The following EFCAB3 variants were observed in gnomAD, a reference collection of about 807,000 sequenced individuals.
EFCAB3 encodes the protein EF-hand calcium binding domain 3.
A neutral mutation model predicts 42.2 loss-of-function variants in EFCAB3; 36 were observed. The ratio of observed to expected loss-of-function variants is 0.85; its 90% CI spans 0.65 to 1.13. The LOEUF (loss-of-function observed/expected upper bound fraction) is 1.13. Among genes scored for constraint, EFCAB3 ranks in the 50% most tolerant of loss-of-function variants. The pLI is 0.00. For synonymous variants in EFCAB3, 170 were observed against 172.8 expected (o/e 0.98, Z 0.13); for missense variants, 418 against 505.1 (o/e 0.83, Z 1.65).
At chr17:62,412,458 C>A (rs184965910) in intron 8 of EFCAB3, among the ~76,000 whole-genome samples, 9 of 151,500 alleles carry the variant, frequency 5.9e-5, no homozygotes, top group African/African-American at 1.9e-4. Context: ...AAATTTTCCC[C>A]AAGGGTTTTT....
Position 62,413,910 on chromosome 17 carries a change from C to G in EFCAB3, c.990+56C>G. 1.3e-6 allele frequency: 2 copies of G among 1,553,094 alleles called. 1 individual carries two copies. Among genetic ancestry groups the G allele is most frequent in the Middle Eastern group, 3.6e-4 (2 of 5,496 alleles). On this transcript the variant is annotated intron_variant, in intron 9 of 9. Transcript: ENST00000305286. The stretch of plus-strand genomic sequence containing the variant: ...AAATCACTGACAAAAATATTGTCCA[C>G]TTCAATACTACACCATAAAACCAAG...
intron 9 of EFCAB3, among the ~76,000 whole-genome samples, chr17:62,414,245 G>T (rs150070847): frequency 0.02 from 3,050 of 152,258 alleles, 127 homozygotes; most frequent in African/African-American, 0.069. Flanking sequence ...CTGCACCAGG[G>T]CTAAGAAGCT....
intron 8 of EFCAB3, among the ~76,000 whole-genome samples, chr17:62,410,276 C>A (rs2070483682): frequency 6.6e-6 from 1 of 152,102 alleles, no homozygotes; most frequent in Non-Finnish European, 1.5e-5. Context: ...AATCCCAGCA[C>A]TTTGGGAGGC....
chr17:62,407,630 G>T (rs1476925863), intron 8 of EFCAB3, among the ~76,000 whole-genome samples: 2 of 152,072 alleles, frequency 1.3e-5, no homozygotes, highest in African/African-American at 2.4e-5. Context: ...TCCTGCCCTC[G>T]ACTAGATCCC....
Position 62,393,598 on chromosome 17 carries a change from C to G in EFCAB3, c.321C>G (p.Asp107Glu), listed in dbSNP as rs1416526823. 2 of 1,613,938 alleles carry G rather than the reference C, an allele frequency of 1.2e-6. No individual in the cohort carries two copies. Among genetic ancestry groups the G allele is most frequent in the African/African-American group, 2.7e-5 (2 of 74,890 alleles). Residue 107 changes from aspartate to glutamate, a missense_variant, in exon 5 of 10, where the codon GAC (aspartate) becomes GAG (glutamate). Asp to Glu is a conservative substitution (Grantham distance 45). Coordinates refer to ENST00000305286, the MANE Select transcript of EFCAB3 (RefSeq NM_173503.4). ...GAGATGGGAAGGTGAACTTCTCAGA[C>G]TTTATCAAGGTTCTAACAGATAAGA... ...IDRDGKVNFS[D>E]FIKVLTDKNL...
At chr17:62,398,132 C>A in intron 6 of EFCAB3, 1 of 277,754 alleles carries the variant, frequency 3.6e-6, no homozygotes, top group South Asian at 5.3e-5. Flanking sequence ...AAGGAAAGAC[C>A]AAGATCATAA....
intron 6 of EFCAB3, among the ~76,000 whole-genome samples, chr17:62,395,596 C>T (rs568736842): frequency 2.9e-4 from 44 of 152,242 alleles, no homozygotes; most frequent in African/African-American, 9.9e-4. Flanking sequence ...ATCTCTGACT[C>T]AGAGATGAGG....
At chr17:62,406,768 A>T (rs1258005303) in intron 7 of EFCAB3, 95 bp downstream of exon 7, 2 of 1,337,758 alleles carry the variant, frequency 1.5e-6, no homozygotes, top group East Asian at 2.4e-5. Context: ...GCATAAGAAC[A>T]GGACTGCAGC....
Position 62,391,886 on chromosome 17 carries a change from G to C in EFCAB3, c.216G>C (p.Leu72=). 3.1e-6 allele frequency: 5 copies of C among 1,613,914 alleles called. No individual in the cohort carries two copies. Among genetic ancestry groups the C allele is most frequent in the Non-Finnish European group, 4.2e-6 (5 of 1,179,906 alleles). Residue 72 remains leucine (L), a synonymous_variant, in exon 4 of 10, where the codon CTG becomes CTC. Coordinates refer to ENST00000305286, the MANE Select transcript of EFCAB3 (RefSeq NM_173503.4). ...DKTGCIDFHG[L]MCTVAKLGMN... ...CTGGCTGTATTGATTTCCATGGACT[G>C]ATGTGCACTGTAGCTAAGCTGGGAA...
rs574001138 is a variant in EFCAB3 at position 62,404,806 on chromosome 17, T to A, written c.489-1674T>A. On this transcript the variant is annotated intron_variant, in intron 6 of 9. Coordinates refer to ENST00000305286, the MANE Select transcript of EFCAB3 (RefSeq NM_173503.4). ...AACAAAATTCCATCTCAAAAAATAATAATAATAATAATAATAAAGACAGCA... is the reference window on the plus strand; with the variant it reads ...AACAAAATTCCATCTCAAAAAATAAAAATAATAATAATAATAAAGACAGCA... Among the ~76,000 whole-genome samples, 181 of 151,948 alleles carry A rather than the reference T, an allele frequency of 1.2e-3. No homozygotes were observed. In the South Asian group the frequency reaches 0.016, roughly 13 times the overall value.
Position 62,416,258 on chromosome 17 carries a change from G to T in EFCAB3, c.1246G>T (p.Asp416Tyr), listed in dbSNP as rs1366220186. Residue 416 changes from aspartate (D) to tyrosine (Y), a missense_variant, in exon 10 of 10, where the codon GAT becomes TAT. By Grantham distance (160) the Asp-to-Tyr change is radical (BLOSUM62 -3). Transcript: ENST00000305286. ...SHNSRSSSSS[D>Y]TSECYTDSGR... ...TAACTCCAGATCCTCTTCCTCATCA[G>T]ATACCAGTGAATGTTACACAGACTC... 1.2e-6 allele frequency: 2 copies of T among 1,613,886 alleles called. No homozygotes were observed. The highest frequency in any genetic ancestry group is 2.2e-5 in the South Asian group (2 of 91,076).
intron 7 of EFCAB3, 84 bp downstream of exon 7, chr17:62,406,757 G>A: frequency 6.9e-7 from 1 of 1,458,010 alleles, no homozygotes; most frequent in Non-Finnish European, 9.4e-7. Context: ...GAGCCCAAAT[G>A]GCATAAGAAC....
intron 8 of EFCAB3, 118 bp downstream of exon 8, chr17:62,407,330 G>T: frequency 1.1e-6 from 1 of 885,028 alleles, no homozygotes; most frequent in Non-Finnish European, 1.6e-6. Flanking sequence ...CAAAGCAGAT[G>T]CCATAACCAT....
exon 1 of EFCAB3, chr17:62,370,290 T>G: frequency 1.9e-6 from 3 of 1,551,644 alleles, no homozygotes; most frequent in African/African-American, 1.4e-5. Context: ...GAAGAAGAAA[T>G]GAAGGAGTTG....
intron 5 of EFCAB3, among the ~76,000 whole-genome samples, chr17:62,394,765 G>C (rs754767960): frequency 1.4e-4 from 22 of 152,146 alleles, no homozygotes; most frequent in African/African-American, 5.3e-4. Context: ...AGTAATGGGA[G>C]TTTGCCTAGA....
intron 1 of EFCAB3, chr17:62,381,827 T>C (rs879150715): frequency 1.4e-5 from 6 of 433,976 alleles, no homozygotes; most frequent in Admixed American, 2.5e-5. Flanking sequence ...GCATTGAAGA[T>C]GTCATTGCCC....
chr17:62,378,856 T>C (rs557333437), upstream of EFCAB3, among the ~76,000 whole-genome samples: 1 of 151,974 alleles, frequency 6.6e-6, no homozygotes, highest in East Asian at 1.9e-4. Flanking sequence ...CAAACCCGCA[T>C]GGCACGTGTA....
At chr17:62,391,712 CT>C (rs1567723474) in intron 3 of EFCAB3, 109 bp from the exon 4 acceptor site, 27 of 1,203,074 alleles carry the variant, frequency 2.2e-5, no homozygotes, top group South Asian at 6.9e-5. Flanking sequence ...TTTCGCAATC[CT>C]TTTTTTAGAA....
At chr17:62,402,612 A>G (rs181685412) in intron 6 of EFCAB3, among the ~76,000 whole-genome samples, 224 of 152,266 alleles carry the variant, frequency 1.5e-3, no homozygotes, top group African/African-American at 5.2e-3. Flanking sequence ...GCATATGTTG[A>G]ACCAGCCTTG....
Sources: gnomAD v4.1 joint callset for allele counts (sites outside exome capture counted in the v4.1 genomes callset) on GRCh38, gnomAD v4.1.1 for gene constraint, MANE v1.5 for transcripts, NCBI Gene and HGNC (gene_info 2026-07-23, HGNC 2026-07-21) for gene names.